HSPA9: variants seen among roughly 807,000 people sequenced by gnomAD.
The protein encoded by HSPA9 is stress-70 protein, mitochondrial.
A neutral mutation model predicts 81.5 loss-of-function variants in HSPA9; 28 were observed. The ratio of observed to expected loss-of-function variants is 0.34; its 90% CI spans 0.25 to 0.47. HSPA9 has a LOEUF of 0.47. Among genes scored for constraint, HSPA9 ranks in the 20% least tolerant of loss-of-function variants. The pLI is 1.00. For synonymous variants in HSPA9, 293 were observed against 290.4 expected, an observed-to-expected ratio of 1.01 and a Z score of -0.09; for missense variants, 678 against 838.0, an observed-to-expected ratio of 0.81 and a Z score of 2.36.
intron 3 of HSPA9, 42 bp downstream of exon 3, chr5:138,573,721 G>C: frequency 9.0e-7 from 1 of 1,107,714 alleles, no homozygotes; most frequent in Non-Finnish European, 1.4e-6. Flanking sequence ...ACAGAATTCT[G>C]GACAGATTCT....
rs752902594 is a variant in HSPA9, at chr5:138,561,772, G to A, written c.990C>T (p.Pro330=). ...GTCCAGAAGAATCCATTGTAAGATA[G>A]GGCAAATTGATGTCAGTCTGCAAAG... ...SSSVQTDINL[P]YLTMDSSGPK... Residue 330 remains proline (P), a synonymous_variant, in exon 10 of 17, where the codon CCC becomes CCT. Coordinates refer to ENST00000297185, the MANE Select transcript of HSPA9 (RefSeq NM_004134.7). 8 of 1,613,734 alleles carry A rather than the reference G, an allele frequency of 5.0e-6. No individual in the cohort carries two copies. Among genetic ancestry groups the A allele is most frequent in the African/African-American group, 4.0e-5 (3 of 74,918 alleles).
chr5:138,557,852 TAAAC>T lies in HSPA9; in HGVS notation c.1633+13_1633+16del. 6.6e-7 allele frequency: 1 copy of T among 1,504,784 alleles called. No individual in the cohort carries two copies. Among genetic ancestry groups the T allele is most frequent in the Non-Finnish European group, 9.2e-7 (1 of 1,081,770 alleles). The allele number at this position is 1,504,784 out of a possible 1,614,324, so 93.2% of individuals were successfully genotyped here. On this transcript the variant is annotated intron_variant, in intron 13 of 16. Transcript: ENST00000297185. ...CCCTCACCTCACTCTTAGGGTCTGA[TAAAC>T]AAGGTGACTTACTCTGCTGCTCACG...
intron 3 of HSPA9, among the ~76,000 whole-genome samples, chr5:138,573,245 T>C (rs538509660): frequency 8.5e-5 from 13 of 152,058 alleles, no homozygotes; most frequent in Admixed American, 3.3e-4. Context: ...GCCGGGCTGG[T>C]CTTGAACTTG....
At position 138,568,850 on chromosome 5, in the gene HSPA9, G is replaced by A. The variant is rs1263502848; in HGVS notation, c.535+75C>T. The stretch of plus-strand genomic sequence containing the variant: ...ACCACAGATTCATCTACAGGAGCTG[G>A]AGCACAGGGAGCTAGTGATCTCACA... On this transcript the variant is annotated intron_variant, in intron 5 of 16. Transcript: ENST00000297185. The A allele has an allele frequency of 4.0e-6, 6 of 1,494,814 alleles. No homozygotes were observed. The Admixed American group carries it at 1.0e-4, about 25-fold the overall frequency. The allele number at this position is 1,494,814 out of a possible 1,614,324, so 92.6% of individuals were successfully genotyped here. A position where few individuals can be genotyped will look rare whatever the true frequency, so the allele number is the denominator to read the frequency against.
chr5:138,573,673 A>G (rs1751005131), intron 3 of HSPA9, 90 bp downstream of exon 3: 1 of 624,242 alleles, frequency 1.6e-6, no homozygotes, highest in Non-Finnish European at 2.9e-6. Context: ...AAAAAAGCGC[A>G]AATCAGGTTC....
Position 138,561,741 on chromosome 5 carries a change from G to A in HSPA9, c.1021C>T (p.His341Tyr). The change falls in exon 10 of 17, where the codon CAT becomes TAT. Residue 341 changes from histidine to tyrosine, a missense_variant. Around this residue, in one of 4 missense-constraint regions of HSPA9, gnomAD observed 484 missense variants for 647.5 expected, o/e 0.75. Transcript: ENST00000297185. ...YLTMDSSGPK[H>Y]LNMKLTRAQF... is the part of the protein sequence containing the mutation. ...GCACGGGTCAACTTCATATTCAAAT[G>A]CTTGGGTCCAGAAGAATCCATTGTA... 3 of 1,614,122 alleles carry A rather than the reference G, an allele frequency of 1.9e-6. No individual in the cohort carries two copies. Among genetic ancestry groups the A allele is most frequent in the Non-Finnish European group, 2.5e-6 (3 of 1,179,992 alleles).
At chr5:138,558,132 G>T (rs1750571424) in intron 12 of HSPA9, 146 bp from the exon 13 acceptor site, 5 of 699,470 alleles carry the variant, frequency 7.1e-6, no homozygotes, top group Non-Finnish European at 1.0e-5. Context: ...AAGTTTATAA[G>T]CAACAGTAGT....
In HSPA9 at chr5:138,553,962, G is replaced by A. The variant is rs1388848978; in HGVS notation, c.*2075C>T. On this transcript the variant is annotated 3_prime_UTR_variant, in exon 17 of 17. Coordinates refer to ENST00000297185, the MANE Select transcript of HSPA9 (RefSeq NM_004134.7). The stretch of plus-strand genomic sequence containing the variant: ...TCCATATTCTTCTAACCTCGGACTA[G>A]GACACCACTGTGTTCCTGGTCACTG... Among the ~76,000 whole-genome samples, 1 of 152,166 alleles carries A rather than the reference G, an allele frequency of 6.6e-6. No homozygotes were observed. Among genetic ancestry groups the A allele is most frequent in the Non-Finnish European group, 1.5e-5 (1 of 68,032 alleles).
At chr5:138,571,812 T>TTG (rs10694028) in intron 3 of HSPA9, among the ~76,000 whole-genome samples, 46,141 of 145,994 alleles carry the variant, frequency 0.32, 7,857 homozygotes, top group East Asian at 0.78. Flanking sequence ...CCAACTAATT[T>TTG]TGTGTGTGTG....
At chr5:138,560,973 C>T in intron 10 of HSPA9, 1 of 350,614 alleles carries the variant, frequency 2.9e-6, no homozygotes, top group South Asian at 2.1e-5. Context: ...AGAAAAAAAA[C>T]AAGGTCACTA....
intron 4 of HSPA9, among the ~76,000 whole-genome samples, chr5:138,569,450 A>G (rs1750831212): frequency 6.6e-6 from 1 of 152,250 alleles, no homozygotes; most frequent in African/African-American, 2.4e-5. Flanking sequence ...TTATGGCAGC[A>G]TTATTTCTAA....
chr5:138,565,824 T>C (rs887154395), intron 9 of HSPA9, among the ~76,000 whole-genome samples: 4 of 152,196 alleles, frequency 2.6e-5, no homozygotes, highest in African/African-American at 9.7e-5. Context: ...AACAATCCTC[T>C]TAGCCTCTGG....
At chr5:138,556,648 G>A (rs1356488680) in intron 15 of HSPA9, 56 bp from the exon 16 acceptor site, 25 of 1,589,800 alleles carry the variant, frequency 1.6e-5, no homozygotes, top group Non-Finnish European at 2.2e-5. Context: ...ACCATTACAA[G>A]TAGAAGTACT....
At chr5:138,571,325 C>T (rs559126357) in intron 3 of HSPA9, among the ~76,000 whole-genome samples, 184 bp from the exon 4 acceptor site, 5 of 152,154 alleles carry the variant, frequency 3.3e-5, no homozygotes, top group African/African-American at 9.6e-5. Context: ...GTACTATAGG[C>T]GTGCACCACC....
At chr5:138,560,321 G>T (rs1750626773) in intron 10 of HSPA9, among the ~76,000 whole-genome samples, 1 of 152,052 alleles carries the variant, frequency 6.6e-6, no homozygotes, top group East Asian at 1.9e-4. Flanking sequence ...TGTAAATCTG[G>T]GAAGGATTCT....
At chr5:138,562,289 C>T (rs1456558797) in intron 9 of HSPA9, among the ~76,000 whole-genome samples, 1 of 150,574 alleles carries the variant, frequency 6.6e-6, no homozygotes, top group African/African-American at 2.4e-5. Flanking sequence ...GTGGCTCACG[C>T]CTGTAATCCC....
intron 9 of HSPA9, among the ~76,000 whole-genome samples, chr5:138,566,244 A>G (rs1193234311): frequency 1.3e-5 from 2 of 148,332 alleles, no homozygotes; most frequent in Non-Finnish European, 3.0e-5. Flanking sequence ...ATTCACAAGG[A>G]GAGAGGTTAT....
At position 138,570,987 on chromosome 5, in the gene HSPA9, T is replaced by C. The variant is rs765368797; in HGVS notation, c.383A>G (p.Tyr128Cys). ...YATKRLIGRRYDDPEVQKDIK... is the reference protein window; with the variant it reads ...YATKRLIGRRCDDPEVQKDIK... Reference sequence around the variant, plus strand: ...GTCTTTCTGTACTTCAGGATCATCATATCGCCGGCCAATGAGACGCTTGGT... The same window carrying C: ...GTCTTTCTGTACTTCAGGATCATCACATCGCCGGCCAATGAGACGCTTGGT... Residue 128 changes from tyrosine (Y) to cysteine (C), a missense_variant, in exon 4 of 17, where the codon TAT (tyrosine) becomes TGT (cysteine). Transcript: ENST00000297185. 2.5e-6 allele frequency: 4 copies of C among 1,614,216 alleles called. No individual in the cohort carries two copies. Among genetic ancestry groups the C allele is most frequent in the East Asian group, 2.2e-5 (1 of 44,884 alleles).
At chr5:138,565,427 G>A (rs1750742014) in intron 9 of HSPA9, among the ~76,000 whole-genome samples, 1 of 152,124 alleles carries the variant, frequency 6.6e-6, no homozygotes, top group African/African-American at 2.4e-5. Context: ...CAACCACAGT[G>A]ACAACCATCA....
Sources: gnomAD v4.1 joint callset for allele counts (sites outside exome capture counted in the v4.1 genomes callset) on GRCh38, gnomAD v4.1.1 for gene constraint, gnomAD v4.1.1 regional missense constraint, MANE v1.5 for transcripts, NCBI Gene and HGNC (gene_info 2026-07-23, HGNC 2026-07-21) for gene names.